Variants in SLC37A3 observed in about 807,000 individuals in gnomAD.
SLC37A3 encodes the protein solute carrier family 37 member 3.
Under a neutral mutation model 67.1 loss-of-function variants are expected in SLC37A3, and 51 were observed. The observed-to-expected ratio is 0.76, with a 90% CI of 0.61 to 0.96. SLC37A3 has a LOEUF of 0.96. Ranked by LOEUF, SLC37A3 falls within the 40% of genes least tolerant of loss-of-function variation. The pLI is 0.00. For synonymous variants in SLC37A3, 214 were observed against 231.4 expected (o/e 0.92, Z 0.68); for missense variants, 508 against 603.0 (o/e 0.84, Z 1.65).
chr7:140,350,284 C>T (rs996866281), intron 9 of SLC37A3, among the ~76,000 whole-genome samples: 1 of 152,140 alleles, frequency 6.6e-6, no homozygotes, highest in African/African-American at 2.4e-5. Flanking sequence ...AGTGGGTAAG[C>T]TGGAAACATA....
chr7:140,341,420 A>G (rs75655509), intron 13 of SLC37A3, among the ~76,000 whole-genome samples: 7,685 of 152,188 alleles, frequency 0.05, 213 homozygotes, highest in Non-Finnish European at 0.071. Context: ...CCTACTACAG[A>G]ACCGCATCAA....
At chr7:140,386,461 T>G (rs1798454536) in intron 1 of SLC37A3, among the ~76,000 whole-genome samples, 1 of 150,512 alleles carries the variant, frequency 6.6e-6, no homozygotes, top group Non-Finnish European at 1.5e-5. Context: ...ATAATAATAA[T>G]AATAATAATA....
intron 3 of SLC37A3, among the ~76,000 whole-genome samples, chr7:140,379,021 G>A (rs1475159902): frequency 2.0e-5 from 3 of 151,614 alleles, no homozygotes; most frequent in Admixed American, 6.6e-5. Context: ...TTCAAGGCAC[G>A]TAAGCAAGAT....
intron 1 of SLC37A3, among the ~76,000 whole-genome samples, chr7:140,393,646 AC>A (rs1304622589): frequency 2.6e-5 from 4 of 151,822 alleles, no homozygotes; most frequent in Non-Finnish European, 4.4e-5. Flanking sequence ...ATGAAATGTC[AC>A]CCCCTAGAGT....
At chr7:140,351,000 T>C (rs1796770905) in intron 9 of SLC37A3, among the ~76,000 whole-genome samples, 1 of 152,230 alleles carries the variant, frequency 6.6e-6, no homozygotes, top group Non-Finnish European at 1.5e-5. Context: ...TGGCTTATTT[T>C]GTTCTACAAA....
chr7:140,375,137 G>A (rs1310494401), intron 3 of SLC37A3, among the ~76,000 whole-genome samples: 1 of 144,228 alleles, frequency 6.9e-6, no homozygotes, highest in Non-Finnish European at 1.5e-5. Flanking sequence ...CTGGGTGACA[G>A]AGCAAGATTC....
chr7:140,395,100 G>T (rs1026215377), intron 1 of SLC37A3, among the ~76,000 whole-genome samples: 1 of 151,956 alleles, frequency 6.6e-6, no homozygotes, highest in Non-Finnish European at 1.5e-5. Flanking sequence ...CTATAAAGCC[G>T]GGCACAGTGG....
chr7:140,352,001 C>G, intron 8 of SLC37A3, 61 bp downstream of exon 8: 2 of 1,490,182 alleles, frequency 1.3e-6, no homozygotes, highest in Non-Finnish European at 1.8e-6. Flanking sequence ...TTCTTGGCCT[C>G]AGATTTCCTT....
chr7:140,393,348 C>A (rs1798795548), intron 1 of SLC37A3, among the ~76,000 whole-genome samples: 1 of 152,230 alleles, frequency 6.6e-6, no homozygotes, highest in African/African-American at 2.4e-5. Flanking sequence ...GCCGTCCTCA[C>A]TGACATGAAG....
chr7:140,395,379 TA>T (rs35674101), intron 1 of SLC37A3, among the ~76,000 whole-genome samples: 35,292 of 76,960 alleles, frequency 0.46, 6,660 homozygotes, highest in Admixed American at 0.5. Flanking sequence ...CATCTCAAAT[TA>T]AAAAAAAAAA....
chr7:140,353,043 G>A (rs914807418), intron 7 of SLC37A3, among the ~76,000 whole-genome samples: 11 of 151,934 alleles, frequency 7.2e-5, no homozygotes, highest in African/African-American at 2.7e-4. Context: ...AGGGAATGAA[G>A]GACTTCTCAC....
chr7:140,335,229 T>C lies in SLC37A3; in HGVS notation c.*183A>G, dbSNP rs1439446242. 2.5e-6 allele frequency: 4 copies of C among 1,612,068 alleles called. No individual in the cohort carries two copies. Among genetic ancestry groups the C allele is most frequent in the Non-Finnish European group, 3.4e-6 (4 of 1,178,620 alleles). ...CAAAAATCATCAACAGTAATTCCTG[T>C]AGTGTAGAAAACTAGTGCAGCCTTC... On this transcript the variant is annotated 3_prime_UTR_variant, in exon 15 of 15. Transcript: ENST00000326232.
intron 10 of SLC37A3, among the ~76,000 whole-genome samples, chr7:140,346,882 G>A (rs1796582847): frequency 6.6e-6 from 1 of 151,676 alleles, no homozygotes; most frequent in Non-Finnish European, 1.5e-5. Context: ...AGGCTACAGT[G>A]AGCTGTATTG....
intron 1 of SLC37A3, 54 bp downstream of exon 1, chr7:140,398,362 G>A (rs1052968099): frequency 1.3e-5 from 2 of 152,142 alleles, no homozygotes; most frequent in Admixed American, 1.3e-4. Flanking sequence ...CCCTCGGATT[G>A]GACCCGCCCC....
intron 2 of SLC37A3, among the ~76,000 whole-genome samples, chr7:140,382,220 C>T (rs1798286231): frequency 6.6e-6 from 1 of 152,050 alleles, no homozygotes; most frequent in Non-Finnish European, 1.5e-5. Context: ...TTCCTCTCCC[C>T]TCATGACCAC....
At chr7:140,372,708 C>T (rs937840531) in intron 3 of SLC37A3, among the ~76,000 whole-genome samples, 1 of 151,978 alleles carries the variant, frequency 6.6e-6, no homozygotes, top group African/African-American at 2.4e-5. Context: ...GCTAAAATTA[C>T]AAAAATTAGC....
At chr7:140,378,868 G>A (rs1012941588) in intron 3 of SLC37A3, among the ~76,000 whole-genome samples, 3 of 151,414 alleles carry the variant, frequency 2.0e-5, no homozygotes, top group Non-Finnish European at 4.4e-5. Flanking sequence ...CCAACATGGC[G>A]AAACCCCTTC....
intron 3 of SLC37A3, among the ~76,000 whole-genome samples, chr7:140,373,549 CTG>C (rs1158404230): frequency 2.6e-5 from 4 of 152,188 alleles, no homozygotes; most frequent in Admixed American, 2.0e-4. Flanking sequence ...CAAAATTTCA[CTG>C]TAGTACCAAA....
Sources: allele counts gnomAD v4.1 joint callset (sites outside exome capture counted in the v4.1 genomes callset), GRCh38; gene constraint gnomAD v4.1.1; transcripts MANE v1.5; gene names NCBI Gene and HGNC (gene_info 2026-07-23, HGNC 2026-07-21).